The following CEP128 variants were observed in gnomAD, a reference collection of about 807,000 sequenced individuals.
CEP128 encodes centrosomal protein 128.
A neutral mutation model predicts 156.7 loss-of-function variants in CEP128; 132 were observed. That is an observed-to-expected ratio of 0.84 (90% CI 0.73 to 0.97). The LOEUF is 0.97. CEP128 is among the 50% of genes least tolerant of loss of function. The pLI is 0.00. For missense variants in CEP128, 1,252 were observed against 1,281.9 expected (o/e 0.98, Z 0.36); for synonymous variants, 469 against 448.9 (o/e 1.04, Z -0.57).
chr14:80,675,246 A>G (rs1896011762), intron 19 of CEP128, among the ~76,000 whole-genome samples: 1 of 152,076 alleles, frequency 6.6e-6, no homozygotes, highest in Non-Finnish European at 1.5e-5. Context: ...GTTATTATCA[A>G]TGTTGATTCT....
chr14:80,802,930 C>T (rs1369646744), intron 13 of CEP128, among the ~76,000 whole-genome samples: 1 of 152,144 alleles, frequency 6.6e-6, no homozygotes, highest in Non-Finnish European at 1.5e-5. Context: ...TGAATTTCAG[C>T]AACCAAATCC....
At chr14:80,545,583 T>C (rs973364417) in intron 21 of CEP128, among the ~76,000 whole-genome samples, 14 of 152,286 alleles carry the variant, frequency 9.2e-5, no homozygotes, top group African/African-American at 3.1e-4. Flanking sequence ...CAAATTTTAA[T>C]GTTAACAAAA....
chr14:80,602,701 G>A (rs1892629307), intron 19 of CEP128, among the ~76,000 whole-genome samples: 1 of 152,120 alleles, frequency 6.6e-6, no homozygotes, highest in African/African-American at 2.4e-5. Flanking sequence ...TGAACCGGGA[G>A]GCAGAGGTTG....
intron 23 of CEP128, among the ~76,000 whole-genome samples, chr14:80,520,559 T>C (rs902839631): frequency 2.0e-5 from 3 of 152,254 alleles, no homozygotes; most frequent in Non-Finnish European, 4.4e-5. Flanking sequence ...TGATATTTTA[T>C]TGTATAAAAT....
intron 19 of CEP128, among the ~76,000 whole-genome samples, chr14:80,710,382 A>G (rs1443154224): frequency 6.6e-6 from 1 of 152,098 alleles, no homozygotes; most frequent in Non-Finnish European, 1.5e-5. Context: ...AAGAAACAAA[A>G]TATATTTATT....
chr14:80,626,893 T>C (rs914769153), intron 19 of CEP128, among the ~76,000 whole-genome samples: 10 of 152,030 alleles, frequency 6.6e-5, no homozygotes, highest in Admixed American at 3.9e-4. Context: ...TGGTGCACCA[T>C]TGCACTCCCG....
chr14:80,891,466 A>G (rs955091058), intron 8 of CEP128, among the ~76,000 whole-genome samples: 3 of 152,006 alleles, frequency 2.0e-5, no homozygotes, highest in Admixed American at 6.6e-5. Context: ...AAAGAAAAAC[A>G]ATACATGTAG....
intron 1 of CEP128, among the ~76,000 whole-genome samples, chr14:80,939,944 G>A (rs1594872505): frequency 6.6e-6 from 1 of 152,274 alleles, no homozygotes; most frequent in Middle Eastern, 3.4e-3. Flanking sequence ...ACTCCTAAAG[G>A]AAATATTTTA....
In CEP128 at chr14:80,688,941, A is replaced by G. The variant is rs985422234; in HGVS notation, c.2806+54134T>C. 1.8e-4 allele frequency among the ~76,000 whole-genome samples: 28 copies of G among 152,232 alleles called. 1 individual carries two copies. Among genetic ancestry groups the G allele is most frequent in the African/African-American group, 6.3e-4 (26 of 41,454 alleles). ...ATTGGGTACAAGAAAAGAAACCAAG[A>G]CATAAAGATGAGGGAATCAAATAGT... On this transcript the variant is annotated intron_variant, in intron 19 of 24. Coordinates refer to ENST00000555265, the MANE Select transcript of CEP128 (RefSeq NM_152446.5).
intron 8 of CEP128, among the ~76,000 whole-genome samples, chr14:80,874,397 G>A (rs1670053607): frequency 6.6e-6 from 1 of 151,874 alleles, no homozygotes; most frequent in African/African-American, 2.4e-5. Flanking sequence ...CCAGGAGGTG[G>A]AGGTTGCAGC....
At chr14:80,719,131 C>T (rs912447372) in intron 19 of CEP128, among the ~76,000 whole-genome samples, 1 of 152,194 alleles carries the variant, frequency 6.6e-6, no homozygotes, top group Non-Finnish European at 1.5e-5. Flanking sequence ...TGACAGTTTA[C>T]AAATGCCATA....
intron 19 of CEP128, among the ~76,000 whole-genome samples, chr14:80,608,197 T>C (rs904064242): frequency 2.6e-5 from 4 of 152,218 alleles, no homozygotes; most frequent in African/African-American, 7.2e-5. Context: ...TTCTTCATAG[T>C]ACTTTTTGAC....
intron 8 of CEP128, among the ~76,000 whole-genome samples, chr14:80,870,764 A>G (rs1887985207): frequency 6.6e-6 from 1 of 152,052 alleles, no homozygotes; most frequent in South Asian, 2.1e-4. Flanking sequence ...TGCAAGAAAA[A>G]GAAATAAAAG....
chr14:80,489,751 A>G (rs1004192740), downstream of CEP128, among the ~76,000 whole-genome samples: 5 of 152,168 alleles, frequency 3.3e-5, no homozygotes. Flanking sequence ...GGATGTGACC[A>G]ACAATCAGAG....
upstream of CEP128, among the ~76,000 whole-genome samples, chr14:80,943,447 A>T (rs57104434): frequency 0.19 from 28,886 of 152,188 alleles, 2,921 homozygotes; most frequent in Admixed American, 0.25. Context: ...ATAAAAACTG[A>T]TTGTCCACAG....
chr14:80,942,190 T>C (rs1886197238), upstream of CEP128: 1 of 152,190 alleles, frequency 6.6e-6, no homozygotes, highest in Non-Finnish European at 1.5e-5. Context: ...GTCCAGTATA[T>C]TGTTCCAAAG....
intron 8 of CEP128, among the ~76,000 whole-genome samples, chr14:80,868,017 C>G (rs1887851595): frequency 6.6e-6 from 1 of 152,066 alleles, no homozygotes; most frequent in Non-Finnish European, 1.5e-5. Flanking sequence ...CAGTGAATTT[C>G]TCAGCAGAAA....
intron 13 of CEP128, among the ~76,000 whole-genome samples, 155 bp from the exon 14 acceptor site, chr14:80,793,265 T>C (rs1901816198): frequency 6.6e-6 from 1 of 152,240 alleles, no homozygotes; most frequent in Non-Finnish European, 1.5e-5. Context: ...GTCTTTTTCT[T>C]TGTATTTTAT....
intron 23 of CEP128, among the ~76,000 whole-genome samples, chr14:80,521,137 C>A (rs1888729364): frequency 6.6e-6 from 1 of 151,564 alleles, no homozygotes; most frequent in African/African-American, 2.4e-5. Context: ...CCACACCCGG[C>A]CTTAAAGTGA....
Sources: gnomAD v4.1 joint callset for allele counts (sites outside exome capture counted in the v4.1 genomes callset) on GRCh38, gnomAD v4.1.1 for gene constraint, MANE v1.5 for transcripts, NCBI Gene and HGNC (gene_info 2026-07-23, HGNC 2026-07-21) for gene names.